ANK1: variants seen among roughly 807,000 people sequenced by gnomAD.
The protein encoded by ANK1 is ankyrin-1.
In ANK1, 51 loss-of-function variants were observed where a neutral mutation model predicts 210.4. The observed-to-expected ratio is 0.24, with a 90% CI of 0.19 to 0.31. ANK1 has a LOEUF of 0.31. Among genes scored for constraint, ANK1 ranks in the 10% least tolerant of loss-of-function variants. The pLI is 1.00. For synonymous variants in ANK1, 967 were observed against 1,025.9 expected, an observed-to-expected ratio of 0.94 and a Z score of 1.10; for missense variants, 2,051 against 2,504.4, an observed-to-expected ratio of 0.82 and a Z score of 3.86.
chr8:41,787,736 G>T (rs1846711328), intron 1 of ANK1, among the ~76,000 whole-genome samples: 1 of 152,148 alleles, frequency 6.6e-6, no homozygotes, highest in Non-Finnish European at 1.5e-5. Flanking sequence ...GATAACTTGA[G>T]CCCAGGAGGT....
At chr8:41,814,144 G>A (rs909477388) in intron 1 of ANK1, among the ~76,000 whole-genome samples, 3 of 152,086 alleles carry the variant, frequency 2.0e-5, no homozygotes, top group Non-Finnish European at 4.4e-5. Flanking sequence ...GGTGGATCAC[G>A]AGGTCAGGAG....
intron 4 of ANK1, 98 bp downstream of exon 4, chr8:41,727,804 AGTGTGT>A (rs1214281784): frequency 1.9e-6 from 2 of 1,031,732 alleles, no homozygotes; most frequent in Non-Finnish European, 3.0e-6. Flanking sequence ...GCCCCACAGT[AGTGTGT>A]GTGTTAACAC....
chr8:41,716,810 G>A (rs1161137694), intron 13 of ANK1, 143 bp downstream of exon 13: 1 of 837,272 alleles, frequency 1.2e-6, no homozygotes. Context: ...GCAGAATCTG[G>A]GCGCTCAGAG....
intron 42 of ANK1, chr8:41,661,192 A>G: frequency 1.7e-6 from 1 of 571,834 alleles, no homozygotes; most frequent in Non-Finnish European, 3.0e-6. Context: ...GCATTCTTAC[A>G]AAACCGTGCG....
At chr8:41,869,651 A>AAAAATG (rs1815107966) in intron 1 of ANK1, among the ~76,000 whole-genome samples, 2 of 152,304 alleles carry the variant, frequency 1.3e-5, no homozygotes, top group South Asian at 4.1e-4. Flanking sequence ...GACTGTGCTG[A>AAAAATG]AAAATGCTGC....
chr8:41,803,578 G>T (rs2150778790), intron 1 of ANK1: 1 of 150,770 alleles, frequency 6.6e-6, no homozygotes, highest in East Asian at 1.9e-4. Context: ...TATTACATTG[G>T]GTAAGATATC....
At chr8:41,671,635 T>C (rs1280485354) in intron 38 of ANK1, among the ~76,000 whole-genome samples, 1 of 146,990 alleles carries the variant, frequency 6.8e-6, no homozygotes, top group Non-Finnish European at 1.5e-5. Flanking sequence ...CACCCCGATG[T>C]CCCTAAGTGA....
chr8:41,703,422 G>GTGTGTGTATATATA (rs1286560913), intron 20 of ANK1, among the ~76,000 whole-genome samples: 11 of 53,762 alleles, frequency 2.0e-4, no homozygotes, highest in East Asian at 1.7e-3. Context: ...GTGTGTGTGT[G>GTGTGTGTATATATA]TATATATATA....
Position 41,672,838 on chromosome 8 carries a change from C to T in ANK1, c.4612G>A (p.Asp1538Asn). ...ACGGCCACCTCATTCCAGTACTGGT[C>T]TGCACGTAGCGGAGAGGAAAGTGCA... ...GCALSSPLRADQYWNEVAVLD... is the reference protein window; with the variant it reads ...GCALSSPLRANQYWNEVAVLD... Residue 1538 changes from aspartate (D) to asparagine (N), a missense_variant, in exon 38 of 43, where the codon GAC (aspartate) becomes AAC (asparagine). Coordinates refer to ENST00000289734, the MANE Select transcript of ANK1 (RefSeq NM_000037.4). The T allele has an allele frequency of 6.2e-7, 1 of 1,612,072 alleles. No homozygotes were observed.
Position 41,852,208 on chromosome 8 carries a change from G to C in ANK1, c.126+44147C>G, listed in dbSNP as rs554677558. On this transcript the variant is annotated intron_variant, in intron 1 of 42. Coordinates refer to the ANK1 transcript ENST00000265709. ...GGAGGAGGTCACGGCGATGCCTTGG[G>C]AAGGCATCTGGTGGGGAGAAAGGAG... 3.9e-5 allele frequency among the ~76,000 whole-genome samples: 6 copies of C among 152,322 alleles called. No homozygotes were observed. In the South Asian group the frequency reaches 1.2e-3, roughly 32 times the overall value.
Position 41,783,891 on chromosome 8 carries a change from C to T in ANK1, c.27+13621G>A, listed in dbSNP as rs182461023. Among the ~76,000 whole-genome samples, 1,444 of 152,094 alleles carry T rather than the reference C, an allele frequency of 9.5e-3. 78 individuals are homozygous for T. Among genetic ancestry groups the T allele is most frequent in the Admixed American group, 0.086 (1,315 of 15,274 alleles). The stretch of plus-strand genomic sequence containing the variant: ...CAGACTGGGCAACATAGCAAGACTC[C>T]ATCTCTAAAAATATTGTTTTTAATG... On this transcript the variant is annotated intron_variant, in intron 1 of 42. Transcript: ENST00000289734.
rs187132796 is a variant in ANK1, at chr8:41,670,067, C to T, written c.5097-1503G>A. Among the ~76,000 whole-genome samples, 176 of 152,192 alleles carry T rather than the reference C, an allele frequency of 1.2e-3. No individual in the cohort carries two copies. The East Asian group carries it at 0.022, about 19-fold the overall frequency. On this transcript the variant is annotated intron_variant, in intron 38 of 42. Coordinates refer to ENST00000289734, the MANE Select transcript of ANK1 (RefSeq NM_000037.4). ...CCAGTCAGCCTTCTTTCCACACACA[C>T]GCCTACCTCCTGTCCTCCTTCTCTG... is the stretch of plus-strand genomic sequence containing the variant.
At position 41,797,101 on chromosome 8, in the gene ANK1, G is replaced by A. The variant is rs981605765; in HGVS notation, c.27+411C>T. Among the ~76,000 whole-genome samples, 5 of 152,154 alleles carry A rather than the reference G, an allele frequency of 3.3e-5. No individual in the cohort carries two copies. The highest frequency in any genetic ancestry group is 7.2e-5 in the African/African-American group (3 of 41,440). On this transcript the variant is annotated intron_variant, in intron 1 of 42. Coordinates refer to ENST00000289734, the MANE Select transcript of ANK1 (RefSeq NM_000037.4). The surrounding 1 kb of genome is among the most constrained non-coding windows in gnomAD (Gnocchi z 4.0). ...AAATGACAGTGACAGCCCCCTAGCC[G>A]GGTGGCCCACCCCGCAGCCTGTAAT... is the stretch of plus-strand genomic sequence containing the variant.
chr8:41,693,255 A>T, intron 29 of ANK1, 54 bp from the exon 30 acceptor site: 1 of 1,450,536 alleles, frequency 6.9e-7, no homozygotes, highest in Non-Finnish European at 9.7e-7. Flanking sequence ...GTAAGCATGG[A>T]GCTTACTAAA....
At chr8:41,814,669 G>T (rs1803037439) in intron 1 of ANK1, among the ~76,000 whole-genome samples, 1 of 151,868 alleles carries the variant, frequency 6.6e-6, no homozygotes, top group Non-Finnish European at 1.5e-5. Flanking sequence ...TAATAATGAT[G>T]CACCTGACAA....
At chr8:41,715,198 C>A in intron 14 of ANK1, 124 bp from the exon 15 acceptor site, 1 of 899,484 alleles carries the variant, frequency 1.1e-6, no homozygotes, top group Non-Finnish European at 1.8e-6. Flanking sequence ...AAAGGCACAG[C>A]CATTTTTGAG....
At chr8:41,871,381 C>T (rs1815461934) in intron 1 of ANK1, among the ~76,000 whole-genome samples, 1 of 152,168 alleles carries the variant, frequency 6.6e-6, no homozygotes, top group Admixed American at 6.5e-5. Context: ...GATCACAGCT[C>T]ACTGCAGCGT....
At chr8:41,777,607 AATAAAAAC>A (rs909043769) in intron 1 of ANK1, among the ~76,000 whole-genome samples, 25 of 123,600 alleles carry the variant, frequency 2.0e-4, no homozygotes, top group South Asian at 8.4e-4. Flanking sequence ...AACAACAATA[AATAAAAAC>A]AAACAAACAA....
At chr8:41,791,673 C>T (rs1333325571) in intron 1 of ANK1, among the ~76,000 whole-genome samples, 4 of 152,256 alleles carry the variant, frequency 2.6e-5, no homozygotes, top group African/African-American at 7.2e-5. Context: ...CCTCGTGATC[C>T]GCCCACCTCG....
Sources: gnomAD v4.1 joint callset for allele counts (sites outside exome capture counted in the v4.1 genomes callset) on GRCh38, gnomAD v4.1.1 for gene constraint, Gnocchi (gnomAD v3.1) non-coding constraint, MANE v1.5 for transcripts, NCBI Gene and HGNC (gene_info 2026-07-23, HGNC 2026-07-21) for gene names.